The following ADGRB3 variants were observed in gnomAD, a reference collection of about 807,000 sequenced individuals.
ADGRB3 encodes adhesion G protein-coupled receptor B3, also known as brain-specific angiogenesis inhibitor 3.
ADGRB3 carries 37 observed loss-of-function variants against 193.4 expected under a neutral mutation model. The ratio of observed to expected loss-of-function variants is 0.19; its 90% CI spans 0.15 to 0.25. ADGRB3 has a LOEUF of 0.25. Among genes scored for constraint, ADGRB3 ranks in the 10% least tolerant of loss-of-function variants. The probability of loss-of-function intolerance (pLI) is 1.00; values close to 1 mark genes in which losing one functional copy is unlikely to be tolerated. For synonymous variants in ADGRB3, 690 were observed against 644.2 expected (o/e 1.07, Z -1.08); for missense variants, 1,637 against 1,852.9 (o/e 0.88, Z 2.14).
intron 3 of ADGRB3, among the ~76,000 whole-genome samples, chr6:68,775,037 A>C (rs1397958676): frequency 1.3e-5 from 2 of 151,970 alleles, no homozygotes; most frequent in Non-Finnish European, 2.9e-5. Flanking sequence ...AAGAAAGGTG[A>C]ATGGCTCCTG....
intron 3 of ADGRB3, among the ~76,000 whole-genome samples, chr6:68,703,071 T>C (rs931479031): frequency 6.6e-6 from 1 of 152,156 alleles, no homozygotes; most frequent in African/African-American, 2.4e-5. Flanking sequence ...TTGGAAAGAT[T>C]AATGAAGGAT....
At chr6:68,833,991 C>T (rs1399050683) in intron 3 of ADGRB3, among the ~76,000 whole-genome samples, 1 of 149,418 alleles carries the variant, frequency 6.7e-6, no homozygotes, top group Non-Finnish European at 1.5e-5. Flanking sequence ...GCAGTGTCCT[C>T]AGCACCAAGC....
intron 3 of ADGRB3, among the ~76,000 whole-genome samples, chr6:68,810,074 T>G (rs1767480344): frequency 6.6e-6 from 1 of 152,200 alleles, no homozygotes; most frequent in African/African-American, 2.4e-5. Context: ...TGACTTTTCC[T>G]GACATTTCAC....
intron 3 of ADGRB3, among the ~76,000 whole-genome samples, chr6:68,831,801 T>C (rs1767962367): frequency 6.6e-6 from 1 of 152,232 alleles, no homozygotes; most frequent in African/African-American, 2.4e-5. Context: ...AACATAGTTA[T>C]ATCTTGAATT....
In ADGRB3 at chr6:68,993,779, C is replaced by G; in HGVS notation, c.1746C>G (p.His582Gln). Residue 582 changes from histidine (H) to glutamine (Q), a missense_variant, in exon 11 of 32, where the codon CAC becomes CAG. This residue lies in a region of ADGRB3 where 641 missense variants were observed against 673.9 expected (regional missense o/e 0.95). Transcript: ENST00000370598. The stretch of plus-strand genomic sequence containing the variant: ...TTTGACCATCACAGATTAAAGAGCA[C>G]CTTGCTAAGGGGCAGCGAATGCTGG... ...YRHLQHSIKEHLAKGQRMLAG... is the reference protein window; with the variant it reads ...YRHLQHSIKEQLAKGQRMLAG... The G allele has an allele frequency of 1.2e-6, 2 of 1,613,244 alleles. No individual in the cohort carries two copies. Among genetic ancestry groups the G allele is most frequent in the Non-Finnish European group, 1.7e-6 (2 of 1,179,408 alleles).
At chr6:68,988,585 C>G (rs906960899) in intron 10 of ADGRB3, among the ~76,000 whole-genome samples, 3 of 152,016 alleles carry the variant, frequency 2.0e-5, no homozygotes, top group Admixed American at 2.0e-4. Context: ...TAGCTTCTCT[C>G]AAAAGAAAGA....
intron 17 of ADGRB3, among the ~76,000 whole-genome samples, chr6:69,168,558 C>G (rs983753005): frequency 6.6e-6 from 1 of 152,078 alleles, no homozygotes; most frequent in African/African-American, 2.4e-5. Context: ...TTTGCAGTAG[C>G]ATTTATCCCC....
chr6:69,098,516 G>A (rs9454692), intron 17 of ADGRB3, among the ~76,000 whole-genome samples: 39,525 of 151,954 alleles, frequency 0.26, 5,509 homozygotes, highest in African/African-American at 0.32. Context: ...CAGTATGCAT[G>A]AATGGGAGAC....
chr6:69,117,825 C>G (rs1396182605), intron 17 of ADGRB3, among the ~76,000 whole-genome samples: 1 of 152,152 alleles, frequency 6.6e-6, no homozygotes, highest in Non-Finnish European at 1.5e-5. Flanking sequence ...AAAGAACACA[C>G]TTTTTCTTCA....
At chr6:68,738,171 T>C (rs1439004165) in intron 3 of ADGRB3, among the ~76,000 whole-genome samples, 1 of 152,110 alleles carries the variant, frequency 6.6e-6, no homozygotes, top group Non-Finnish European at 1.5e-5. Flanking sequence ...ACAAAAGCAT[T>C]GCTGGGAATT....
Position 69,062,577 on chromosome 6 carries a change from T to G in ADGRB3, c.2334-357T>G, listed in dbSNP as rs916256283. On this transcript the variant is annotated intron_variant, in intron 15 of 31. Coordinates refer to ENST00000370598, the MANE Select transcript of ADGRB3 (RefSeq NM_001704.3). ...TTTGATCTCCGAGAGAACAAAACTCTTAGGTCCTCCTTGATATAAATGAAT... is the reference window on the plus strand; with the variant it reads ...TTTGATCTCCGAGAGAACAAAACTCGTAGGTCCTCCTTGATATAAATGAAT... 1.2e-4 allele frequency among the ~76,000 whole-genome samples: 18 copies of G among 151,986 alleles called. No homozygotes were observed. In the East Asian group the frequency reaches 2.7e-3, roughly 23 times the overall value.
intron 3 of ADGRB3, among the ~76,000 whole-genome samples, chr6:68,925,304 A>G (rs184386981): frequency 2.0e-5 from 3 of 152,066 alleles, no homozygotes; most frequent in Admixed American, 1.3e-4. Context: ...TCTCCCAACT[A>G]CAGTATGCAG....
At chr6:68,922,724 G>C (rs995650325) in intron 3 of ADGRB3, among the ~76,000 whole-genome samples, 5 of 152,320 alleles carry the variant, frequency 3.3e-5, no homozygotes, top group Middle Eastern at 3.4e-3. Flanking sequence ...ATGCCCTGAA[G>C]TATGAGCTGC....
chr6:69,268,464 T>C (rs1234956898), intron 20 of ADGRB3, among the ~76,000 whole-genome samples: 1 of 152,174 alleles, frequency 6.6e-6, no homozygotes, highest in East Asian at 1.9e-4. Flanking sequence ...ATTAGACTTC[T>C]CTCTAAGCAA....
At chr6:69,237,018 C>A (rs1766279310) in intron 19 of ADGRB3, among the ~76,000 whole-genome samples, 1 of 151,910 alleles carries the variant, frequency 6.6e-6, no homozygotes. Context: ...AGTGACAAGA[C>A]TCCATGAATT....
At chr6:69,233,448 G>T in intron 18 of ADGRB3, 32 bp downstream of exon 18, 1 of 1,612,638 alleles carries the variant, frequency 6.2e-7, no homozygotes, top group Non-Finnish European at 8.5e-7. Flanking sequence ...CGGCTTTAAC[G>T]CAAAGACAGG....
chr6:68,797,307 T>C (rs1273587570), intron 3 of ADGRB3, among the ~76,000 whole-genome samples: 1 of 152,070 alleles, frequency 6.6e-6, no homozygotes, highest in Admixed American at 6.6e-5. Context: ...TGCAGAAATA[T>C]TTAATTCTGT....
chr6:68,770,892 C>T (rs1446194685), intron 3 of ADGRB3, among the ~76,000 whole-genome samples: 1 of 152,016 alleles, frequency 6.6e-6, no homozygotes, highest in Non-Finnish European at 1.5e-5. Flanking sequence ...GGGAATTCCT[C>T]ATTTATTCAG....
At chr6:68,644,822 C>T (rs776482360) in intron 3 of ADGRB3, among the ~76,000 whole-genome samples, 10 of 152,002 alleles carry the variant, frequency 6.6e-5, no homozygotes, top group South Asian at 2.1e-4. Context: ...AAGAGGGGTG[C>T]GAACACTTAA....
Sources: gnomAD v4.1 joint callset for allele counts (sites outside exome capture counted in the v4.1 genomes callset) on GRCh38, gnomAD v4.1.1 for gene constraint, gnomAD v4.1.1 regional missense constraint, MANE v1.5 for transcripts, NCBI Gene and HGNC (gene_info 2026-07-23, HGNC 2026-07-21) for gene names.